GRM5: variants seen among roughly 807,000 people sequenced by gnomAD.
GRM5 encodes the protein glutamate metabotropic receptor 5.
A neutral mutation model predicts 83.1 loss-of-function variants in GRM5; 19 were observed. That is an observed-to-expected ratio of 0.23 (90% CI 0.16 to 0.34). The LOEUF (loss-of-function observed/expected upper bound fraction) is 0.34. GRM5 is among the 10% of genes least tolerant of loss of function. GRM5 has a pLI of 1.00. For synonymous variants in GRM5, 675 were observed against 633.6 expected, an observed-to-expected ratio of 1.07 and a Z score of -0.98; for missense variants, 1,160 against 1,588.3, an observed-to-expected ratio of 0.73 and a Z score of 4.58.
intron 2 of GRM5, among the ~76,000 whole-genome samples, chr11:88,870,776 G>A (rs776814219): frequency 6.6e-6 from 1 of 151,464 alleles, no homozygotes; most frequent in Non-Finnish European, 1.5e-5. Flanking sequence ...GGGCAGTGGG[G>A]GATATGGGTG....
intron 3 of GRM5, among the ~76,000 whole-genome samples, chr11:88,794,024 T>C (rs1018338306): frequency 1.3e-5 from 2 of 152,170 alleles, no homozygotes; most frequent in Admixed American, 1.3e-4. Flanking sequence ...GATCTCTTTA[T>C]GTTTCTCAGG....
intron 3 of GRM5, among the ~76,000 whole-genome samples, chr11:88,841,406 T>C (rs1264721617): frequency 2.6e-5 from 4 of 152,194 alleles, no homozygotes; most frequent in South Asian, 2.1e-4. Flanking sequence ...CACCTTCCTT[T>C]TGAGTAAGTC....
chr11:88,658,718 C>G (rs1591418717), intron 3 of GRM5, among the ~76,000 whole-genome samples: 1 of 151,994 alleles, frequency 6.6e-6, no homozygotes, highest in African/African-American at 2.4e-5. Flanking sequence ...TAGAGTGATA[C>G]CAGCATTTTG....
rs191505853 is a variant in GRM5 at position 88,803,871 on chromosome 11, C to T, written c.911+46035G>A. 1.8e-3 allele frequency among the ~76,000 whole-genome samples: 270 copies of T among 152,242 alleles called. 1 individual carries two copies. The highest frequency in any genetic ancestry group is 5.9e-3 in the African/African-American group (246 of 41,532). On this transcript the variant is annotated intron_variant, in intron 3 of 9. Coordinates refer to ENST00000305447, the MANE Select transcript of GRM5 (RefSeq NM_001143831.3). ...ACAAACAACCCCATCGAAAAGTGGGCGAAGGACATGAACAGATACTTCTCA... is the reference window on the plus strand; with the variant it reads ...ACAAACAACCCCATCGAAAAGTGGGTGAAGGACATGAACAGATACTTCTCA...
At chr11:88,646,674 A>C (rs1939462648) in intron 4 of GRM5, among the ~76,000 whole-genome samples, 2 of 151,564 alleles carry the variant, frequency 1.3e-5, no homozygotes, top group Admixed American at 1.3e-4. Flanking sequence ...CATACTTGAA[A>C]AGGTGAAAGA....
intron 4 of GRM5, among the ~76,000 whole-genome samples, chr11:88,624,859 T>C (rs745534612): frequency 1.3e-5 from 2 of 152,198 alleles, no homozygotes; most frequent in Non-Finnish European, 2.9e-5. Flanking sequence ...TTATTTACTA[T>C]GTTTCAGACT....
In GRM5 at chr11:89,028,013, A is replaced by G. The variant is rs191341328; in HGVS notation, c.661+19199T>C. Among the ~76,000 whole-genome samples, 6 of 152,270 alleles carry G rather than the reference A, an allele frequency of 3.9e-5. No individual in the cohort carries two copies. In the East Asian group the frequency reaches 1.2e-3, roughly 29 times the overall value. On this transcript the variant is annotated intron_variant, in intron 2 of 9. Coordinates refer to ENST00000305447, the MANE Select transcript of GRM5 (RefSeq NM_001143831.3). ...CTTGGATCTTCTGCCATGTGAGATG[A>G]AGTATTTCTTCCTCCAGGAGGACAA...
intron 7 of GRM5, among the ~76,000 whole-genome samples, chr11:88,579,093 C>T (rs936725079): frequency 1.3e-5 from 2 of 152,196 alleles, no homozygotes; most frequent in South Asian, 4.1e-4. Flanking sequence ...ATCATGATTC[C>T]AACCTTTTTT....
At position 88,584,205 on chromosome 11, in the gene GRM5, T is replaced by TACACACACAC. The variant is rs10526384; in HGVS notation, c.1690+6386_1690+6395dup. Among the ~76,000 whole-genome samples the TACACACACAC allele has an allele frequency of 6.1e-3, 886 of 144,296 alleles. 11 individuals carry two copies. Among genetic ancestry groups the TACACACACAC allele is most frequent in the African/African-American group, 0.021 (830 of 39,348 alleles). The allele number at this position is 144,296 out of a possible 152,430, so 94.7% of individuals were successfully genotyped here. A position where few individuals can be genotyped will look rare whatever the true frequency, so the allele number is the denominator to read the frequency against. On this transcript the variant is annotated intron_variant, in intron 7 of 9. Transcript: ENST00000305447. ...TAATATTTTGTCATATGTTTCAAAT[T>TACACACACAC]ACACACACACACACACACACACACA...
intron 3 of GRM5, among the ~76,000 whole-genome samples, chr11:88,736,025 C>A (rs540897296): frequency 1.3e-5 from 2 of 152,164 alleles, no homozygotes; most frequent in South Asian, 4.1e-4. Context: ...CGAAGTTAGA[C>A]AATCATTTGT....
At chr11:88,841,643 T>A (rs529962206) in intron 3 of GRM5, among the ~76,000 whole-genome samples, 105 of 152,336 alleles carry the variant, frequency 6.9e-4, no homozygotes, top group African/African-American at 2.4e-3. Flanking sequence ...GATTTGTTTA[T>A]CTTGAAATGA....
intron 3 of GRM5, among the ~76,000 whole-genome samples, chr11:88,769,521 G>A (rs1392840289): frequency 6.6e-6 from 1 of 151,946 alleles, no homozygotes; most frequent in Non-Finnish European, 1.5e-5. Flanking sequence ...TCAGGTGCAG[G>A]AAATATAAAA....
intron 3 of GRM5, among the ~76,000 whole-genome samples, chr11:88,697,409 G>C (rs1265949101): frequency 3.3e-5 from 5 of 152,138 alleles, no homozygotes; most frequent in Non-Finnish European, 5.9e-5. Flanking sequence ...CACAGATTAG[G>C]ATAGTGCTCT....
chr11:88,687,579 A>ATATATTATATATATATATATAT (rs1250226972), intron 3 of GRM5, among the ~76,000 whole-genome samples: 1 of 46,880 alleles, frequency 2.1e-5, no homozygotes, highest in Non-Finnish European at 3.2e-5. Flanking sequence ...ATATATATAT[A>ATATATTATATATATATATATAT]ATATATATAT....
At chr11:88,608,082 T>G (rs1301406220) in intron 4 of GRM5, among the ~76,000 whole-genome samples, 2 of 152,140 alleles carry the variant, frequency 1.3e-5, no homozygotes, top group Non-Finnish European at 1.5e-5. Flanking sequence ...GTGGGTTACA[T>G]GCAATTGAGA....
At chr11:88,561,940 G>T (rs569691961) in intron 8 of GRM5, among the ~76,000 whole-genome samples, 1 of 152,170 alleles carries the variant, frequency 6.6e-6, no homozygotes, top group East Asian at 1.9e-4. Flanking sequence ...AGAGCTCAAA[G>T]TGATTCTTTC....
rs546959268 is a variant in GRM5 at position 89,031,819 on chromosome 11, C to A, written c.661+15393G>T. On this transcript the variant is annotated intron_variant, in intron 2 of 9. Coordinates refer to ENST00000305447, the MANE Select transcript of GRM5 (RefSeq NM_001143831.3). The stretch of plus-strand genomic sequence containing the variant: ...TGTATCTTTTAAAATATATTATTTG[C>A]ATCCTCCTTATTTTCACTTAATACA... 9.0e-4 allele frequency among the ~76,000 whole-genome samples: 137 copies of A among 151,916 alleles called. 1 individual carries two copies. The highest frequency in any genetic ancestry group is 3.1e-3 in the African/African-American group (129 of 41,480).
chr11:88,573,885 T>C (rs996974760), intron 7 of GRM5, among the ~76,000 whole-genome samples: 21 of 152,254 alleles, frequency 1.4e-4, no homozygotes, highest in African/African-American at 4.6e-4. Flanking sequence ...ATCAGAATTC[T>C]GTGTCTAGTG....
chr11:88,947,428 C>T (rs1181754599), intron 2 of GRM5, among the ~76,000 whole-genome samples: 1 of 152,054 alleles, frequency 6.6e-6, no homozygotes, highest in African/African-American at 2.4e-5. Context: ...ATAAAGTCAC[C>T]CACAAGCTTC....
Sources: allele counts gnomAD v4.1 joint callset (sites outside exome capture counted in the v4.1 genomes callset), GRCh38; gene constraint gnomAD v4.1.1; transcripts MANE v1.5; gene names NCBI Gene and HGNC (gene_info 2026-07-23, HGNC 2026-07-21).